The following NCKAP5 variants were observed in gnomAD, a reference collection of about 807,000 sequenced individuals.
The protein encoded by NCKAP5 is nck-associated protein 5.
NCKAP5 carries 92 observed loss-of-function variants against 167.0 expected under a neutral mutation model. That is an observed-to-expected ratio of 0.55 (90% CI 0.47 to 0.66). The LOEUF (loss-of-function observed/expected upper bound fraction) is 0.66, where lower values mean the gene tolerates loss of function less well. Ranked by LOEUF, NCKAP5 falls within the 30% of genes least tolerant of loss-of-function variation. NCKAP5 has a pLI of 0.00. For missense variants in NCKAP5, 2,378 were observed against 2,315.0 expected, an observed-to-expected ratio of 1.03 and a Z score of -0.56; for synonymous variants, 891 against 877.4, an observed-to-expected ratio of 1.02 and a Z score of -0.27.
intron 6 of NCKAP5, among the ~76,000 whole-genome samples, chr2:133,127,741 C>A (rs77699900): frequency 0.011 from 1,653 of 152,272 alleles, 33 homozygotes; most frequent in African/African-American, 0.038. Context: ...TATTACCAAG[C>A]AGTGCTTGTT....
chr2:133,212,717 A>G (rs1463423853), intron 5 of NCKAP5, among the ~76,000 whole-genome samples: 1 of 152,204 alleles, frequency 6.6e-6, no homozygotes, highest in East Asian at 1.9e-4. Context: ...TTCTGCATTA[A>G]GATCCCTAGC....
chr2:132,742,130 C>T (rs1456492605), intron 16 of NCKAP5, among the ~76,000 whole-genome samples: 3 of 151,998 alleles, frequency 2.0e-5, no homozygotes, highest in African/African-American at 7.2e-5. Context: ...GCTGTCATGC[C>T]AAAATGAAGT....
intron 5 of NCKAP5, among the ~76,000 whole-genome samples, chr2:133,176,356 G>A (rs2084461134): frequency 1.3e-5 from 2 of 152,016 alleles, no homozygotes; most frequent in South Asian, 2.1e-4. Flanking sequence ...TGATCAAAAT[G>A]ATCTCCTTTT....
rs548689147 is a variant in NCKAP5 at position 133,081,152 on chromosome 2, A to G, written c.341+48826T>C. Among the ~76,000 whole-genome samples, 7 of 152,270 alleles carry G rather than the reference A, an allele frequency of 4.6e-5. No individual in the cohort carries two copies. The South Asian group carries it at 1.5e-3, about 32-fold the overall frequency. ...TCAAAGGCATTCATTTTCCATGTAA[A>G]GAAGCCCTAAAATACATTTTTTACT... On this transcript the variant is annotated intron_variant, in intron 6 of 19. Coordinates refer to ENST00000409261, the MANE Select transcript of NCKAP5 (RefSeq NM_207363.3).
chr2:132,933,850 G>A (rs1304933153), intron 8 of NCKAP5, among the ~76,000 whole-genome samples: 2 of 152,010 alleles, frequency 1.3e-5, no homozygotes, highest in African/African-American at 4.8e-5. Context: ...TTTTCAGAGG[G>A]GGAAAAAAAA....
Position 132,962,739 on chromosome 2 carries a change from T to C in NCKAP5, c.579+981A>G, listed in dbSNP as rs555752521. Among the ~76,000 whole-genome samples, 199 of 152,238 alleles carry C rather than the reference T, an allele frequency of 1.3e-3. 1 individual carries two copies. Among genetic ancestry groups the C allele is most frequent in the African/African-American group, 3.6e-3 (150 of 41,544 alleles). ...CTGAGTAACTGGGACTACAGGCACG[T>C]GCCACCACGCCTGGCTAATTTTTTT... is the stretch of plus-strand genomic sequence containing the variant. On this transcript the variant is annotated intron_variant, in intron 8 of 19. Transcript: ENST00000409261.
At chr2:133,284,041 G>A (rs2090019943) in intron 4 of NCKAP5, among the ~76,000 whole-genome samples, 1 of 152,096 alleles carries the variant, frequency 6.6e-6, no homozygotes, top group Admixed American at 6.6e-5. Context: ...GAATGTATTT[G>A]TTACTTTAAA....
intron 4 of NCKAP5, among the ~76,000 whole-genome samples, chr2:133,275,763 TA>T (rs2089699948): frequency 1.3e-5 from 2 of 151,306 alleles, no homozygotes; most frequent in South Asian, 4.2e-4. Context: ...GAATTAAGGG[TA>T]ACAGTAAAAT....
At chr2:133,528,845 T>C (rs1685127714) in intron 2 of NCKAP5, among the ~76,000 whole-genome samples, 1 of 152,230 alleles carries the variant, frequency 6.6e-6, no homozygotes, top group Admixed American at 6.5e-5. Flanking sequence ...TCACTAGGGC[T>C]TGCCCATCTC....
intron 19 of NCKAP5, among the ~76,000 whole-genome samples, chr2:132,692,246 G>T (rs1453924129): frequency 6.6e-6 from 1 of 151,904 alleles, no homozygotes; most frequent in East Asian, 1.9e-4. Context: ...AGGCTCAAAT[G>T]ATTCTCCTGC....
intron 16 of NCKAP5, among the ~76,000 whole-genome samples, chr2:132,769,260 T>C (rs975171802): frequency 2.6e-5 from 4 of 152,164 alleles, no homozygotes; most frequent in African/African-American, 9.7e-5. Flanking sequence ...GTTAACAATG[T>C]CTTCTCTTGT....
At chr2:133,271,354 C>G (rs537667056) in intron 4 of NCKAP5, among the ~76,000 whole-genome samples, 1 of 152,238 alleles carries the variant, frequency 6.6e-6, no homozygotes, top group East Asian at 1.9e-4. Flanking sequence ...TGCCTCCTGA[C>G]TTTTTGTTAA....
chr2:132,784,570 A>T lies in NCKAP5; in HGVS notation c.2241T>A (p.Asn747Lys). ...EDTEKNIPKD[N>K]VDNVPRVSTE... Reference sequence around the variant, plus strand: ...TGGACACCCTGGGAACATTATCTACATTATCTTTTGGAATGTTTTTCTCAG... The same window carrying T: ...TGGACACCCTGGGAACATTATCTACTTTATCTTTTGGAATGTTTTTCTCAG... The change falls in exon 14 of 20, where the codon AAT becomes AAA. Residue 747 changes from asparagine (N) to lysine (K), a missense_variant. Around this residue, in one of 3 missense-constraint regions of NCKAP5, gnomAD observed 1,049 missense variants for 1,023.4 expected, o/e 1.02. Transcript: ENST00000409261. 6.3e-7 allele frequency: 1 copy of T among 1,584,898 alleles called. No homozygotes were observed. The highest frequency in any genetic ancestry group is 8.6e-7 in the Non-Finnish European group (1 of 1,164,524).
chr2:132,673,395 A>G (rs752746839), intron 19 of NCKAP5, 90 bp from the exon 20 acceptor site: 5 of 1,135,972 alleles, frequency 4.4e-6, no homozygotes, highest in Non-Finnish European at 6.0e-6. Context: ...TGTATAAAGT[A>G]CAGTTTAAAG....
intron 2 of NCKAP5, among the ~76,000 whole-genome samples, chr2:133,537,964 A>G (rs987009397): frequency 4.6e-5 from 7 of 152,194 alleles, no homozygotes; most frequent in African/African-American, 1.7e-4. Flanking sequence ...AGCAAACTGC[A>G]TTTAACTCCT....
the NCKAP5 span, among the ~76,000 whole-genome samples, chr2:133,626,907 A>G: frequency 7.2e-4 from 110 of 152,106 alleles, no homozygotes; most frequent in Admixed American, 2.0e-3. Context: ...TTATTTGGGG[A>G]AAAATTAATT....
the NCKAP5 span, among the ~76,000 whole-genome samples, chr2:133,656,711 C>T: frequency 1.3e-5 from 2 of 152,258 alleles, no homozygotes; most frequent in East Asian, 1.9e-4. Flanking sequence ...AATAAATGCA[C>T]CAAGTGTGGG....
At chr2:133,653,879 G>C in the NCKAP5 span, among the ~76,000 whole-genome samples, 14 of 152,176 alleles carry the variant, frequency 9.2e-5, no homozygotes, top group Non-Finnish European at 1.6e-4. Context: ...AAATTCAGAA[G>C]ATCAGGTAGT....
the NCKAP5 span, among the ~76,000 whole-genome samples, chr2:133,580,330 G>A: frequency 1.3e-5 from 2 of 152,128 alleles, no homozygotes; most frequent in African/African-American, 4.8e-5. Context: ...TCAAGTCTTT[G>A]GTCAAGGAGG....
Sources: allele counts gnomAD v4.1 joint callset (sites outside exome capture counted in the v4.1 genomes callset), GRCh38; gene constraint gnomAD v4.1.1; regional missense constraint gnomAD v4.1.1; transcripts MANE v1.5; gene names NCBI Gene and HGNC (gene_info 2026-07-23, HGNC 2026-07-21).